Variants in NUDT3 observed in about 807,000 individuals in gnomAD.
NUDT3 encodes the protein nudix hydrolase 3.
Under a neutral mutation model 23.6 loss-of-function variants are expected in NUDT3, and 9 were observed. The ratio of observed to expected loss-of-function variants is 0.38; its 90% CI spans 0.23 to 0.66. The LOEUF (loss-of-function observed/expected upper bound fraction) is 0.66. NUDT3 is among the 30% of genes least tolerant of loss of function. NUDT3 has a pLI of 0.52. For missense variants in NUDT3, 172 were observed against 218.5 expected (o/e 0.79, Z 1.34); for synonymous variants, 86 against 82.6 (o/e 1.04, Z -0.22).
At chr6:34,356,902 T>C (rs1057087780) in intron 1 of NUDT3, among the ~76,000 whole-genome samples, 2 of 152,016 alleles carry the variant, frequency 1.3e-5, no homozygotes, top group African/African-American at 4.8e-5. Flanking sequence ...CTCAGCCTCC[T>C]GAGTAGCTGG....
At chr6:34,339,212 A>C (rs1441250439) in intron 2 of NUDT3, among the ~76,000 whole-genome samples, 1 of 152,224 alleles carries the variant, frequency 6.6e-6, no homozygotes, top group Non-Finnish European at 1.5e-5. Context: ...ATCTTGTTCA[A>C]GTGCTTTGTA....
chr6:34,385,537 A>G (rs1423762507), intron 1 of NUDT3, among the ~76,000 whole-genome samples: 1 of 151,868 alleles, frequency 6.6e-6, no homozygotes, highest in African/African-American at 2.4e-5. Context: ...TCCATAATCA[A>G]TGACCTATGT....
intron 1 of NUDT3, among the ~76,000 whole-genome samples, chr6:34,360,237 C>CAAA (rs34629409): frequency 4.0e-5 from 2 of 50,624 alleles, no homozygotes; most frequent in African/African-American, 1.3e-4. Context: ...GACCCTGTCT[C>CAAA]AAAAAAAAAA....
intron 1 of NUDT3, among the ~76,000 whole-genome samples, chr6:34,357,870 C>T (rs1396648623): frequency 6.6e-6 from 1 of 152,090 alleles, no homozygotes; most frequent in Non-Finnish European, 1.5e-5. Context: ...GAAGGTCCTG[C>T]CTCAGTCCAA....
Position 34,284,231 on chromosome 6 carries a change from C to G in NUDT3, c.*4522G>C, listed in dbSNP as rs1263623559. 6.6e-6 allele frequency: 1 copy of G among 152,162 alleles called. No individual in the cohort carries two copies. The highest frequency in any genetic ancestry group is 1.5e-5 in the Non-Finnish European group (1 of 68,048). 9.4% of individuals were successfully genotyped at this position (152,162 alleles called of 1,614,324 possible). A position where few individuals can be genotyped will look rare whatever the true frequency, so the allele number is the denominator to read the frequency against. On this transcript the variant is annotated 3_prime_UTR_variant, in exon 5 of 5. Transcript: ENST00000607016. ...CACCATTCAATAATCTCCTCCCTCCCCATAGCTGCTTGAGTTAACTGTCCC... is the reference window on the plus strand; with the variant it reads ...CACCATTCAATAATCTCCTCCCTCCGCATAGCTGCTTGAGTTAACTGTCCC...
rs1322011118 is a variant in NUDT3 at position 34,288,676 on chromosome 6, A to C, written c.*77T>G. 5 of 1,519,756 alleles carry C rather than the reference A, an allele frequency of 3.3e-6. No individual in the cohort carries two copies. The highest frequency in any genetic ancestry group is 4.4e-6 in the Non-Finnish European group (5 of 1,136,182). 94.1% of individuals were successfully genotyped at this position (1,519,756 alleles called of 1,614,324 possible). On this transcript the variant is annotated 3_prime_UTR_variant, in exon 5 of 5. Coordinates refer to ENST00000607016, the MANE Select transcript of NUDT3 (RefSeq NM_006703.4). ...GAAAGAGGAGGCCTGTGAGAAGTGGAAAGAGCCAGGGTGAGAGGGAAGATT... is the reference window on the plus strand; with the variant it reads ...GAAAGAGGAGGCCTGTGAGAAGTGGCAAGAGCCAGGGTGAGAGGGAAGATT...
At chr6:34,305,366 T>TTG (rs1763664593) in intron 2 of NUDT3, among the ~76,000 whole-genome samples, 1 of 152,160 alleles carries the variant, frequency 6.6e-6, no homozygotes, top group African/African-American at 2.4e-5. Flanking sequence ...TTGTAGCTCT[T>TTG]TGTAACATTC....
Position 34,282,367 on chromosome 6 carries a change from A to G in NUDT3, c.*6386T>C, listed in dbSNP as rs1763289492. On this transcript the variant is annotated 3_prime_UTR_variant, in exon 5 of 5. Transcript: ENST00000607016. Reference sequence around the variant, plus strand: ...ATTCACAGGCAATATTACTGGCAAAATGATTTTCCAAAGCTGAGCCACGCG... The same window carrying G: ...ATTCACAGGCAATATTACTGGCAAAGTGATTTTCCAAAGCTGAGCCACGCG... 1 of 152,194 alleles carries G rather than the reference A, an allele frequency of 6.6e-6. No homozygotes were observed. The highest frequency in any genetic ancestry group is 1.5e-5 in the Non-Finnish European group (1 of 68,044). The allele number at this position is 152,194 out of a possible 1,614,324, so 9.4% of individuals were successfully genotyped here.
intron 2 of NUDT3, among the ~76,000 whole-genome samples, chr6:34,322,513 G>A (rs927158908): frequency 3.3e-5 from 5 of 152,204 alleles, no homozygotes; most frequent in Non-Finnish European, 5.9e-5. Flanking sequence ...ACAGGCATGA[G>A]CCACTGCGCC....
At chr6:34,313,185 A>C (rs1015643628) in intron 2 of NUDT3, among the ~76,000 whole-genome samples, 1 of 152,172 alleles carries the variant, frequency 6.6e-6, no homozygotes, top group Non-Finnish European at 1.5e-5. Flanking sequence ...TGAAAAAAAA[A>C]CCAGAAAAAT....
intron 1 of NUDT3, among the ~76,000 whole-genome samples, chr6:34,365,082 G>A (rs1581892262): frequency 6.6e-6 from 1 of 151,910 alleles, no homozygotes; most frequent in Non-Finnish European, 1.5e-5. Flanking sequence ...AGTCCATCCA[G>A]GACACAATGT....
chr6:34,345,140 C>T (rs1017882890), intron 1 of NUDT3, among the ~76,000 whole-genome samples: 90 of 151,764 alleles, frequency 5.9e-4, no homozygotes, highest in African/African-American at 2.1e-3. Context: ...TCTCTGCCTC[C>T]CGGGTTCAAG....
At chr6:34,341,788 T>C (rs2113734713) in intron 2 of NUDT3, 74 bp downstream of exon 2, 1 of 1,340,644 alleles carries the variant, frequency 7.5e-7, no homozygotes. Context: ...AGTGCTGACA[T>C]ATTAAAGAAC....
At chr6:34,378,445 C>G (rs1425416733) in intron 1 of NUDT3, among the ~76,000 whole-genome samples, 1 of 152,142 alleles carries the variant, frequency 6.6e-6, no homozygotes, top group Non-Finnish European at 1.5e-5. Flanking sequence ...TAAAAACTAC[C>G]AAAGTGATAT....
At chr6:34,391,364 T>C (rs1014503681) in intron 1 of NUDT3, among the ~76,000 whole-genome samples, 11 of 152,198 alleles carry the variant, frequency 7.2e-5, no homozygotes, top group Admixed American at 3.3e-4. Context: ...TCTTATGAAT[T>C]TCCAAAGCAG....
intron 2 of NUDT3, among the ~76,000 whole-genome samples, chr6:34,339,714 A>G (rs908762811): frequency 1.3e-5 from 2 of 152,252 alleles, no homozygotes; most frequent in African/African-American, 4.8e-5. Flanking sequence ...CTATAATGGC[A>G]GAGTTAAATA....
chr6:34,381,127 C>T (rs1765010294), intron 1 of NUDT3, among the ~76,000 whole-genome samples: 1 of 152,142 alleles, frequency 6.6e-6, no homozygotes, highest in Admixed American at 6.6e-5. Flanking sequence ...AGTGATCCTC[C>T]CATCACAGCC....
chr6:34,308,938 C>T (rs1763725751), intron 2 of NUDT3, among the ~76,000 whole-genome samples: 1 of 152,122 alleles, frequency 6.6e-6, no homozygotes, highest in African/African-American at 2.4e-5. Context: ...CCACTTCATC[C>T]AACAACAGCA....
intron 3 of NUDT3, among the ~76,000 whole-genome samples, chr6:34,294,174 C>G (rs570609397): frequency 4.6e-5 from 7 of 152,146 alleles, no homozygotes; most frequent in Admixed American, 2.6e-4. Flanking sequence ...TTAGTAGAGA[C>G]AGGGTTTCAC....
Sources: gnomAD v4.1 joint callset for allele counts (sites outside exome capture counted in the v4.1 genomes callset) on GRCh38, gnomAD v4.1.1 for gene constraint, MANE v1.5 for transcripts, NCBI Gene and HGNC (gene_info 2026-07-23, HGNC 2026-07-21) for gene names.